The following DGLUCY variants were observed in gnomAD, a reference collection of about 807,000 sequenced individuals.
DGLUCY encodes the protein D-glutamate cyclase, also known as D-glutamate cyclase, mitochondrial.
DGLUCY carries 58 observed loss-of-function variants against 58.5 expected under a neutral mutation model. That is an observed-to-expected ratio of 0.99 (90% CI 0.80 to 1.23). The LOEUF (loss-of-function observed/expected upper bound fraction) is 1.23, where lower values mean the gene tolerates loss of function less well. Ranked by LOEUF, DGLUCY falls within the 50% of genes most tolerant of loss-of-function variation. The probability of loss-of-function intolerance (pLI) is 0.00; values close to 1 mark genes in which losing one functional copy is unlikely to be tolerated. For synonymous variants in DGLUCY, 325 were observed against 314.1 expected (o/e 1.03, Z -0.37); for missense variants, 779 against 784.7 (o/e 0.99, Z 0.09).
intron 1 of DGLUCY, among the ~76,000 whole-genome samples, chr14:91,132,534 A>C (rs1428709896): frequency 1.3e-5 from 2 of 149,750 alleles, no homozygotes; most frequent in African/African-American, 4.9e-5. Context: ...GCTGGAGTGC[A>C]GTGGCACGAT....
chr14:91,104,070 T>TTTTTTCTTTTTC (rs1310145365), upstream of DGLUCY, among the ~76,000 whole-genome samples: 8 of 132,912 alleles, frequency 6.0e-5, no homozygotes, highest in East Asian at 4.3e-4. Context: ...TCTTTTTTTT[T>TTTTTTCTTTTTC]TTTTTTTTTT....
intron 13 of DGLUCY, among the ~76,000 whole-genome samples, chr14:91,219,465 C>T (rs1259884719): frequency 2.0e-5 from 3 of 152,212 alleles, no homozygotes; most frequent in African/African-American, 7.2e-5. Flanking sequence ...CGTGGGGGTC[C>T]TTGAGTCATC....
chr14:91,061,221 G>A (rs1269389390), intron 1 of DGLUCY, among the ~76,000 whole-genome samples: 3 of 152,130 alleles, frequency 2.0e-5, no homozygotes, highest in African/African-American at 7.2e-5. Flanking sequence ...CCCTAAAAAG[G>A]TCTTACTCGC....
At chr14:91,066,054 A>T (rs1427837283) in intron 1 of DGLUCY, among the ~76,000 whole-genome samples, 1 of 152,224 alleles carries the variant, frequency 6.6e-6, no homozygotes, top group Non-Finnish European at 1.5e-5. Flanking sequence ...TCAAGAAAAG[A>T]CCTTGAAAAT....
At chr14:91,223,745 C>T (rs1193525944) in intron 13 of DGLUCY, 6 of 1,280,518 alleles carry the variant, frequency 4.7e-6, no homozygotes, top group Non-Finnish European at 6.1e-6. Context: ...AAATCAACCT[C>T]ATTTTGTGAA....
chr14:91,222,543 A>C (rs1887670325), intron 13 of DGLUCY, among the ~76,000 whole-genome samples: 1 of 152,118 alleles, frequency 6.6e-6, no homozygotes, highest in Admixed American at 6.5e-5. Flanking sequence ...GTGAAAGTGG[A>C]AACAATTTAG....
chr14:91,203,641 G>C (rs1385321862), intron 11 of DGLUCY, among the ~76,000 whole-genome samples: 2 of 151,478 alleles, frequency 1.3e-5, no homozygotes, highest in Non-Finnish European at 2.9e-5. Context: ...CACCTCAAAG[G>C]GTACATGCTT....
At chr14:91,069,799 C>CT (rs5810528) in intron 1 of DGLUCY, among the ~76,000 whole-genome samples, 7,454 of 120,962 alleles carry the variant, frequency 0.062, 371 homozygotes, top group East Asian at 0.15. Flanking sequence ...TGATATGCCT[C>CT]TTTTTTTTTT....
chr14:91,078,352 TG>T (rs1056852631), intron 1 of DGLUCY, among the ~76,000 whole-genome samples: 9 of 152,236 alleles, frequency 5.9e-5, no homozygotes, highest in Admixed American at 2.0e-4. Flanking sequence ...CCTGAAAAAC[TG>T]GATTTAATAA....
In DGLUCY at chr14:91,123,366, A is replaced by T. The variant is rs570849173; in HGVS notation, c.-82+9083A>T. 7.2e-5 allele frequency among the ~76,000 whole-genome samples: 11 copies of T among 152,300 alleles called. No individual in the cohort carries two copies. In the South Asian group the frequency reaches 2.3e-3, roughly 32 times the overall value. On this transcript the variant is annotated intron_variant, in intron 1 of 13. Transcript: ENST00000256324. ...ATTAGCGCACATCTTGAAGCAATAA[A>T]CGCTGCCCTGGCAGGCCCTGGCAAA...
chr14:91,145,792 G>GA (rs1248362309), intron 1 of DGLUCY, among the ~76,000 whole-genome samples: 1 of 152,198 alleles, frequency 6.6e-6, no homozygotes, highest in Non-Finnish European at 1.5e-5. Context: ...GGAAAGCTAA[G>GA]AAATGACCAT....
chr14:91,102,465 C>T (rs2044503955), intron 1 of DGLUCY, among the ~76,000 whole-genome samples: 1 of 152,090 alleles, frequency 6.6e-6, no homozygotes, highest in African/African-American at 2.4e-5. Flanking sequence ...ATTGCTCATA[C>T]CTGCTGCCAC....
intron 1 of DGLUCY, among the ~76,000 whole-genome samples, chr14:91,077,683 C>T (rs547438724): frequency 1.3e-5 from 2 of 148,642 alleles, no homozygotes; most frequent in Non-Finnish European, 1.5e-5. Context: ...ACCCGGGAGG[C>T]GGAGGTTGCA....
chr14:91,148,859 G>A (rs2047152924), intron 1 of DGLUCY: 1 of 152,270 alleles, frequency 6.6e-6, no homozygotes, highest in Non-Finnish European at 1.5e-5. Flanking sequence ...TGAGGTAGGA[G>A]GATCGCTTGA....
chr14:91,136,331 G>A (rs1297435643), intron 1 of DGLUCY, among the ~76,000 whole-genome samples: 1 of 152,098 alleles, frequency 6.6e-6, no homozygotes, highest in African/African-American at 2.4e-5. Context: ...AAGTTAACAA[G>A]AGAAAAGCAT....
Position 91,124,876 on chromosome 14 carries a change from C to G in DGLUCY, c.-82+10593C>G, listed in dbSNP as rs117475455. ...AATCAATGTACTTTAATGTTCTTAG[C>G]TCCCACAATTTAGCCTGAATATTTG... On this transcript the variant is annotated intron_variant, in intron 1 of 13. Transcript: ENST00000256324. 3.9e-5 allele frequency among the ~76,000 whole-genome samples: 6 copies of G among 152,364 alleles called. No homozygotes were observed. The East Asian group carries it at 1.2e-3, about 29-fold the overall frequency.
At chr14:91,134,016 A>C (rs1202092900) in intron 1 of DGLUCY, among the ~76,000 whole-genome samples, 1 of 151,890 alleles carries the variant, frequency 6.6e-6, no homozygotes, top group African/African-American at 2.4e-5. Flanking sequence ...GAGTTGTGGG[A>C]GCCCTTTCAC....
At chr14:91,164,682 A>G (rs1042516809) in intron 3 of DGLUCY, among the ~76,000 whole-genome samples, 13 of 152,160 alleles carry the variant, frequency 8.5e-5, no homozygotes, top group African/African-American at 3.1e-4. Context: ...TTTCTCCCAA[A>G]GAGTCTCTCT....
At chr14:91,102,736 AGTGTGTATGTGTGT>A (rs1172202052) in intron 1 of DGLUCY, among the ~76,000 whole-genome samples, 23 of 60,736 alleles carry the variant, frequency 3.8e-4, no homozygotes, top group African/African-American at 1.0e-3. Flanking sequence ...GACCCCTTCC[AGTGTGTATGTGTGT>A]GTGTGTGTGT....
Sources: gnomAD v4.1 joint callset for allele counts (sites outside exome capture counted in the v4.1 genomes callset) on GRCh38, gnomAD v4.1.1 for gene constraint, MANE v1.5 for transcripts, NCBI Gene and HGNC (gene_info 2026-07-23, HGNC 2026-07-21) for gene names.